Variants in KLHL20 observed in about 807,000 individuals in gnomAD.
KLHL20 encodes kelch-like protein 20.
In KLHL20, 29 loss-of-function variants were observed where a neutral mutation model predicts 69.5. That is an observed-to-expected ratio of 0.42 (90% CI 0.31 to 0.57). KLHL20 has a LOEUF of 0.57. Ranked by LOEUF, KLHL20 falls within the 20% of genes least tolerant of loss-of-function variation. The pLI is 0.18. For missense variants in KLHL20, 419 were observed against 776.0 expected, an observed-to-expected ratio of 0.54 and a Z score of 5.47; for synonymous variants, 253 against 265.2, an observed-to-expected ratio of 0.95 and a Z score of 0.45.
chr1:173,750,086 T>C (rs913981691), intron 3 of KLHL20, among the ~76,000 whole-genome samples: 3 of 152,142 alleles, frequency 2.0e-5, no homozygotes, highest in African/African-American at 7.2e-5. Context: ...AATGCAACCA[T>C]TCTAATTACT....
intron 3 of KLHL20, among the ~76,000 whole-genome samples, chr1:173,737,813 T>G (rs1314781506): frequency 1.3e-5 from 2 of 152,246 alleles, no homozygotes; most frequent in Non-Finnish European, 2.9e-5. Flanking sequence ...GTATAGACAT[T>G]TTCACAATAT....
chr1:173,769,284 T>G (rs1347973191), intron 8 of KLHL20, among the ~76,000 whole-genome samples: 1 of 151,850 alleles, frequency 6.6e-6, no homozygotes, highest in Non-Finnish European at 1.5e-5. Context: ...AAAGGGGGGA[T>G]GAAGGGGAAT....
chr1:173,763,547 C>T (rs143589839), intron 7 of KLHL20, among the ~76,000 whole-genome samples: 201 of 152,142 alleles, frequency 1.3e-3, no homozygotes, highest in African/African-American at 4.6e-3. Flanking sequence ...GCACATAGAC[C>T]AATGGAACAG....
At chr1:173,740,674 T>G (rs1370605827) in intron 3 of KLHL20, among the ~76,000 whole-genome samples, 1 of 152,276 alleles carries the variant, frequency 6.6e-6, no homozygotes, top group Non-Finnish European at 1.5e-5. Flanking sequence ...GAGCAGGTTA[T>G]TTAATTTCCA....
intron 3 of KLHL20, among the ~76,000 whole-genome samples, chr1:173,740,315 G>T (rs926935844): frequency 3.3e-5 from 5 of 151,226 alleles, no homozygotes; most frequent in Admixed American, 6.6e-5. Flanking sequence ...GTAAAGATGG[G>T]GTTTCACCGT....
intron 3 of KLHL20, among the ~76,000 whole-genome samples, chr1:173,737,210 T>C (rs1672576977): frequency 6.6e-6 from 1 of 152,274 alleles, no homozygotes; most frequent in South Asian, 2.1e-4. Context: ...TCTTTTGCTG[T>C]GCAGAAGCTT....
chr1:173,749,818 T>A (rs1477214148), intron 3 of KLHL20, among the ~76,000 whole-genome samples: 2 of 152,060 alleles, frequency 1.3e-5, no homozygotes, highest in Non-Finnish European at 2.9e-5. Context: ...CATACTTAAG[T>A]GAAGAAATCA....
At chr1:173,741,075 G>C (rs1426012430) in intron 3 of KLHL20, among the ~76,000 whole-genome samples, 1 of 152,168 alleles carries the variant, frequency 6.6e-6, no homozygotes, top group African/African-American at 2.4e-5. Context: ...CCCATAATCT[G>C]GATTTTCAGG....
At chr1:173,742,753 TG>T (rs1442848040) in intron 3 of KLHL20, among the ~76,000 whole-genome samples, 1 of 148,788 alleles carries the variant, frequency 6.7e-6, no homozygotes, top group East Asian at 1.9e-4. Flanking sequence ...TATGTAAATA[TG>T]TATATATACA....
chr1:173,745,855 T>C (rs188666188), intron 3 of KLHL20, among the ~76,000 whole-genome samples: 53 of 152,274 alleles, frequency 3.5e-4, no homozygotes, highest in Non-Finnish European at 5.9e-4. Flanking sequence ...GTATAGATAT[T>C]TTATCATGTT....
chr1:173,779,662 T>A (rs957877034), intron 10 of KLHL20, among the ~76,000 whole-genome samples: 1 of 152,206 alleles, frequency 6.6e-6, no homozygotes. Context: ...TTAGGATTTA[T>A]CCTGTATCCA....
chr1:173,774,388 G>A lies in KLHL20; in HGVS notation c.1379G>A (p.Gly460Glu). Reference sequence around the variant, plus strand: ...GGTGTGGCTGTGGCTGTGTTAGGAGGGTTCTTATATGCTGTAGGTGGCTCT... The same window carrying A: ...GGTGTGGCTGTGGCTGTGTTAGGAGAGTTCTTATATGCTGTAGGTGGCTCT... ...RLGVAVAVLG[G>E]FLYAVGGSDG... The change falls in exon 9 of 12, where the codon GGG becomes GAG. Residue 460 changes from glycine (G) to glutamate (E), a missense_variant. Physicochemically the swap from Gly to Glu is moderately conservative, Grantham distance 98. Around this residue, in one of 6 missense-constraint regions of KLHL20, gnomAD observed 56 missense variants for 75.9 expected, o/e 0.74. Transcript: ENST00000209884. 2 of 1,614,104 alleles carry A rather than the reference G, an allele frequency of 1.2e-6. No homozygotes were observed. Among genetic ancestry groups the A allele is most frequent in the Non-Finnish European group, 1.7e-6 (2 of 1,180,012 alleles).
chr1:173,716,594 C>T (rs1173259431), intron 2 of KLHL20, among the ~76,000 whole-genome samples: 1 of 152,066 alleles, frequency 6.6e-6, no homozygotes, highest in East Asian at 1.9e-4. Context: ...AGAACAATGT[C>T]TGGGAAAATA....
intron 8 of KLHL20, among the ~76,000 whole-genome samples, chr1:173,773,554 A>G (rs1432515729): frequency 6.6e-6 from 1 of 152,078 alleles, no homozygotes; most frequent in African/African-American, 2.4e-5. Context: ...TCAAAGAACT[A>G]TGCAAAAGAC....
At chr1:173,740,804 T>C (rs1247255363) in intron 3 of KLHL20, among the ~76,000 whole-genome samples, 1 of 152,034 alleles carries the variant, frequency 6.6e-6, no homozygotes, top group South Asian at 2.1e-4. Flanking sequence ...GTGTCGTATC[T>C]GCACTTCTCA....
At chr1:173,731,453 A>G (rs1166038447) in intron 2 of KLHL20, among the ~76,000 whole-genome samples, 1 of 152,182 alleles carries the variant, frequency 6.6e-6, no homozygotes, top group Non-Finnish European at 1.5e-5. Flanking sequence ...AATAGCAAAG[A>G]CTTGGAACCA....
chr1:173,782,685 A>G (rs1648955512), intron 11 of KLHL20, among the ~76,000 whole-genome samples: 1 of 152,212 alleles, frequency 6.6e-6, no homozygotes, highest in Admixed American at 6.5e-5. Flanking sequence ...TTGAAAAATA[A>G]TATTTCATTT....
chr1:173,769,510 T>A (rs1046076442), intron 8 of KLHL20, among the ~76,000 whole-genome samples: 7 of 152,122 alleles, frequency 4.6e-5, no homozygotes, highest in African/African-American at 1.7e-4. Context: ...ATCTCTGGAC[T>A]AGGCGCTGTG....
intron 10 of KLHL20, among the ~76,000 whole-genome samples, chr1:173,780,911 AAT>A (rs1648828169): frequency 6.6e-6 from 1 of 151,158 alleles, no homozygotes; most frequent in East Asian, 2.0e-4. Context: ...TTGTATTTTT[AAT>A]AGAGATGGGG....
Sources: gnomAD v4.1 joint callset for allele counts (sites outside exome capture counted in the v4.1 genomes callset) on GRCh38, gnomAD v4.1.1 for gene constraint, gnomAD v4.1.1 regional missense constraint, MANE v1.5 for transcripts, NCBI Gene and HGNC (gene_info 2026-07-23, HGNC 2026-07-21) for gene names.